Variants in HEPACAM observed in about 807,000 individuals in gnomAD.
HEPACAM encodes hepatocyte cell adhesion molecule.
A neutral mutation model predicts 38.3 loss-of-function variants in HEPACAM; 18 were observed. The observed-to-expected ratio is 0.47, with a 90% CI of 0.33 to 0.70. The LOEUF is 0.70. Among genes scored for constraint, HEPACAM ranks in the 30% least tolerant of loss-of-function variants. The probability of loss-of-function intolerance (pLI) is 0.03; values close to 1 mark genes in which losing one functional copy is unlikely to be tolerated. For missense variants in HEPACAM, 466 were observed against 563.0 expected (o/e 0.83, Z 1.74); for synonymous variants, 216 against 243.1 (o/e 0.89, Z 1.04).
chr11:124,921,184 A>G lies in HEPACAM; in HGVS notation c.1205T>C (p.Ile402Thr). 7.2e-6 allele frequency: 11 copies of G among 1,527,282 alleles called. No individual in the cohort carries two copies. The highest frequency in any genetic ancestry group is 9.6e-6 in the Non-Finnish European group (11 of 1,144,246). The allele number at this position is 1,527,282 out of a possible 1,614,324, so 94.6% of individuals were successfully genotyped here. A position where few individuals can be genotyped will look rare whatever the true frequency, so the allele number is the denominator to read the frequency against. ...SRTLRTAGVHIIREQDEAGPV... is the reference protein window; with the variant it reads ...SRTLRTAGVHTIREQDEAGPV... ...GCCGGCCTCGTCTTGCTCGCGGATT[A>G]TGTGCACGCCCGCAGTCCGCAGTGT... Residue 402 changes from isoleucine to threonine, a missense_variant, in exon 7 of 7, where the codon ATA becomes ACA. Coordinates refer to ENST00000298251, the MANE Select transcript of HEPACAM (RefSeq NM_152722.5). The surrounding 1 kb of genome is among the most constrained non-coding windows in gnomAD (Gnocchi z 4.6).
At chr11:124,934,149 C>G (rs1947314805) in intron 1 of HEPACAM, among the ~76,000 whole-genome samples, 1 of 152,092 alleles carries the variant, frequency 6.6e-6, no homozygotes, top group Non-Finnish European at 1.5e-5. Flanking sequence ...GTATGATACT[C>G]ATTTTTTTTG....
In HEPACAM at chr11:124,924,294, TG is replaced by T. The variant is rs1947179464; in HGVS notation, c.428-285del. ...TTTCCAAATGCCTTGCCATGAACCC[TG>T]GGCTTTAATGTCTTAAACTGACCCA... On this transcript the variant is annotated intron_variant, in intron 2 of 6. Transcript: ENST00000298251. This position sits in a 1 kb window ranked among gnomAD's most constrained non-coding sequence, Gnocchi z 4.4. Among the ~76,000 whole-genome samples the T allele has an allele frequency of 6.6e-6, 1 of 152,222 alleles. No individual in the cohort carries two copies. Among genetic ancestry groups the T allele is most frequent in the African/African-American group, 2.4e-5 (1 of 41,460 alleles).
At chr11:124,928,154 C>T (rs191313684) in intron 1 of HEPACAM, among the ~76,000 whole-genome samples, 3 of 152,274 alleles carry the variant, frequency 2.0e-5, no homozygotes, top group Admixed American at 1.3e-4. Context: ...TGAGTCCTAT[C>T]CCCCCTCAAT....
intron 1 of HEPACAM, among the ~76,000 whole-genome samples, chr11:124,926,062 C>T (rs1028383501): frequency 6.6e-6 from 1 of 152,098 alleles, no homozygotes; most frequent in East Asian, 1.9e-4. Flanking sequence ...ATTAGCCAGG[C>T]ATTGTGGCAT....
intron 6 of HEPACAM, 86 bp downstream of exon 6, chr11:124,922,302 A>T: frequency 1.5e-6 from 2 of 1,348,538 alleles, no homozygotes; most frequent in East Asian, 2.3e-5. Flanking sequence ...CTATAAAGGG[A>T]TAGGAATATA....
At chr11:124,925,769 A>G (rs987179589) in intron 1 of HEPACAM, among the ~76,000 whole-genome samples, 4 of 152,210 alleles carry the variant, frequency 2.6e-5, no homozygotes, top group Admixed American at 6.5e-5. Context: ...CTCCAGCCCA[A>G]TCTGTACCCC....
At chr11:124,925,713 A>G in intron 1 of HEPACAM, among the ~76,000 whole-genome samples, 1 of 152,202 alleles carries the variant, frequency 6.6e-6, no homozygotes, top group East Asian at 1.9e-4. Context: ...CACTCAGTGC[A>G]GAATAGTCCT....
chr11:124,934,409 T>C (rs1947317861), intron 1 of HEPACAM, among the ~76,000 whole-genome samples: 3 of 151,646 alleles, frequency 2.0e-5, no homozygotes, highest in Admixed American at 2.0e-4. Context: ...TGTGAACTTA[T>C]TTGGCAATGG....
intron 1 of HEPACAM, among the ~76,000 whole-genome samples, chr11:124,926,951 C>T (rs1308868002): frequency 6.6e-6 from 1 of 152,140 alleles, no homozygotes; most frequent in Non-Finnish European, 1.5e-5. Context: ...TCACTGCAAG[C>T]TCCGCCTCCC....
intron 1 of HEPACAM, among the ~76,000 whole-genome samples, chr11:124,934,281 T>C (rs1194636038): frequency 1.3e-5 from 2 of 152,168 alleles, no homozygotes; most frequent in Non-Finnish European, 2.9e-5. Flanking sequence ...TCTATCTTTA[T>C]TATAATTTCA....
In HEPACAM at chr11:124,921,236, G is replaced by C. The variant is rs1947132037; in HGVS notation, c.1153C>G (p.Pro385Ala). 6.8e-7 allele frequency: 1 copy of C among 1,467,224 alleles called. No homozygotes were observed. The allele number at this position is 1,467,224 out of a possible 1,614,324, so 90.9% of individuals were successfully genotyped here. The change falls in exon 7 of 7, where the codon CCC (proline) becomes GCC (alanine). Residue 385 changes from proline (P) to alanine (A), a missense_variant. By Grantham distance (27) the Pro-to-Ala change is conservative. Coordinates refer to ENST00000298251, the MANE Select transcript of HEPACAM (RefSeq NM_152722.5). The surrounding 1 kb of genome is among the most constrained non-coding windows in gnomAD (Gnocchi z 4.6). ...HSSPPRAPSS[P>A]GRSRSASRTL... The stretch of plus-strand genomic sequence containing the variant: ...CGCGAGGCGCTGCGCGAGCGGCCGG[G>C]CGAGCTCGGGGCCCTGGGCGGCGAC...
In HEPACAM at chr11:124,919,446, T is replaced by C; in HGVS notation, c.*1692A>G. The C allele has an allele frequency of 2.6e-6, 1 of 386,848 alleles. No homozygotes were observed. The highest frequency in any genetic ancestry group is 4.7e-5 in the East Asian group (1 of 21,376). The allele number at this position is 386,848 out of a possible 1,614,324, so 24.0% of individuals were successfully genotyped here. ...GGATTCAGCACCAGGGTATGGCATG[T>C]TCTCATCTCACCCTAACCTTCACCT... On this transcript the variant is annotated 3_prime_UTR_variant, in exon 7 of 7. Coordinates refer to ENST00000298251, the MANE Select transcript of HEPACAM (RefSeq NM_152722.5).
rs562561635 is a variant in HEPACAM, at chr11:124,923,770, A to G, written c.668T>C (p.Ile223Thr). The G allele has an allele frequency of 6.2e-7, 1 of 1,614,144 alleles. No homozygotes were observed. Among genetic ancestry groups the G allele is most frequent in the African/African-American group, 1.3e-5 (1 of 75,034 alleles). Residue 223 changes from isoleucine to threonine, a missense_variant, in exon 3 of 7, where the codon ATC becomes ACC. Transcript: ENST00000298251. ...GACAGGCAGGCTGCGGCCCTGGCTG[A>G]TGGGGTTCTCCACCATGCAGCTGTA... Reference protein sequence around the residue: ...DLYSCMVENPISQGRSLPVKI... With the variant: ...DLYSCMVENPTSQGRSLPVKI...
chr11:124,934,652 G>A (rs1425957745), intron 1 of HEPACAM, among the ~76,000 whole-genome samples: 3 of 151,572 alleles, frequency 2.0e-5, no homozygotes, highest in Non-Finnish European at 4.4e-5. Flanking sequence ...CTGACACCTC[G>A]ATCTCCCACT....
At chr11:124,925,835 T>C (rs2135400973) in intron 1 of HEPACAM, among the ~76,000 whole-genome samples, 1 of 152,322 alleles carries the variant, frequency 6.6e-6, no homozygotes, top group East Asian at 1.9e-4. Context: ...AAAAAGCTTT[T>C]TCATGCTGGG....
chr11:124,921,339 C>T lies in HEPACAM; in HGVS notation c.1050G>A (p.Ser350=). The T allele has an allele frequency of 7.9e-7, 1 of 1,268,566 alleles. No individual in the cohort carries two copies. The highest frequency in any genetic ancestry group is 9.9e-7 in the Non-Finnish European group (1 of 1,011,902). 78.6% of individuals were successfully genotyped at this position (1,268,566 alleles called of 1,614,324 possible). A position where few individuals can be genotyped will look rare whatever the true frequency, so the allele number is the denominator to read the frequency against. The part of the protein sequence containing the change: ...YSVSPAVPGR[S]PGLPIRSARR... ...GGGCAGAGCGGATGGGCAGCCCCGG[C>T]GAGCGGCCGGGCACGGCGGGAGACA... is the stretch of plus-strand genomic sequence containing the variant. The change falls in exon 7 of 7, where the codon TCG becomes TCA. Residue 350 remains serine, a synonymous_variant. Coordinates refer to ENST00000298251, the MANE Select transcript of HEPACAM (RefSeq NM_152722.5). This position sits in a 1 kb window ranked among gnomAD's most constrained non-coding sequence, Gnocchi z 4.6.
intron 1 of HEPACAM, among the ~76,000 whole-genome samples, chr11:124,935,395 C>T (rs923085764): frequency 1.3e-5 from 2 of 151,824 alleles, no homozygotes; most frequent in Admixed American, 6.6e-5. Context: ...TGGTAGGGGG[C>T]GGTAGAGGAG....
At chr11:124,929,575 C>T (rs1845591516) in intron 1 of HEPACAM, among the ~76,000 whole-genome samples, 2 of 152,140 alleles carry the variant, frequency 1.3e-5, no homozygotes, top group African/African-American at 2.4e-5. Context: ...ACCACTCAAC[C>T]TTGAGAAGTG....
chr11:124,925,854 C>T lies in HEPACAM; in HGVS notation c.86-785G>A, dbSNP rs150281232. On this transcript the variant is annotated intron_variant, in intron 1 of 6. Coordinates refer to ENST00000298251, the MANE Select transcript of HEPACAM (RefSeq NM_152722.5). ...AGCTTTTTCATGCTGGGCTCTACCTCTTACTGGCTATGTGGATTTGGGTAC... is the reference window on the plus strand; with the variant it reads ...AGCTTTTTCATGCTGGGCTCTACCTTTTACTGGCTATGTGGATTTGGGTAC... Among the ~76,000 whole-genome samples the T allele has an allele frequency of 1.6e-3, 247 of 152,306 alleles. 1 individual carries two copies. The highest frequency in any genetic ancestry group is 0.011 in the Admixed American group (174 of 15,300).
Sources: gnomAD v4.1 joint callset for allele counts (sites outside exome capture counted in the v4.1 genomes callset) on GRCh38, gnomAD v4.1.1 for gene constraint, Gnocchi (gnomAD v3.1) non-coding constraint, MANE v1.5 for transcripts, NCBI Gene and HGNC (gene_info 2026-07-23, HGNC 2026-07-21) for gene names.